Variants in LMX1A observed in about 807,000 individuals in gnomAD.
The protein encoded by LMX1A is LIM homeobox transcription factor 1 alpha, also known as LIM homeobox transcription factor 1-alpha.
A neutral mutation model predicts 49.1 loss-of-function variants in LMX1A; 15 were observed. The observed-to-expected ratio is 0.31, with a 90% CI of 0.20 to 0.47. LMX1A has a LOEUF of 0.47. Among genes scored for constraint, LMX1A ranks in the 20% least tolerant of loss-of-function variants. LMX1A has a pLI of 1.00. For synonymous variants in LMX1A, 167 were observed against 185.7 expected (o/e 0.90, Z 0.82); for missense variants, 372 against 475.8 (o/e 0.78, Z 2.03).
At chr1:165,351,663 A>ACTCT (rs1388641729) in intron 3 of LMX1A, among the ~76,000 whole-genome samples, 8 of 152,178 alleles carry the variant, frequency 5.3e-5, no homozygotes, top group African/African-American at 1.9e-4. Flanking sequence ...AATGCCTAGT[A>ACTCT]CTCTCTCCAC....
chr1:165,336,356 T>C (rs562740994), intron 3 of LMX1A, among the ~76,000 whole-genome samples: 188 of 152,226 alleles, frequency 1.2e-3, no homozygotes, highest in Non-Finnish European at 2.0e-3. Context: ...ACAGGACACT[T>C]TGAAGATCTA....
intron 3 of LMX1A, among the ~76,000 whole-genome samples, chr1:165,297,505 G>A (rs1654648967): frequency 6.6e-6 from 1 of 152,218 alleles, no homozygotes; most frequent in African/African-American, 2.4e-5. Flanking sequence ...TCCTCAGTTT[G>A]CACTTAAGAA....
Position 165,204,058 on chromosome 1 carries a change from C to T in LMX1A, c.989-18G>A. ...CTCGGCACCTGAAATGGAGATGAAA[C>T]ACTGGCATGAGGGTCTTGAAGAAGT... On this transcript the variant is annotated intron_variant, in intron 8 of 8. Transcript: ENST00000342310. 1 of 1,613,226 alleles carries T rather than the reference C, an allele frequency of 6.2e-7. No homozygotes were observed. The highest frequency in any genetic ancestry group is 1.3e-5 in the African/African-American group (1 of 75,034).
At chr1:165,229,243 T>C (rs1290301500) in intron 4 of LMX1A, among the ~76,000 whole-genome samples, 1 of 152,102 alleles carries the variant, frequency 6.6e-6, no homozygotes, top group Non-Finnish European at 1.5e-5. Context: ...TCTTAGAACA[T>C]GAAATAGAGC....
chr1:165,342,115 C>T (rs1656094786), intron 3 of LMX1A, among the ~76,000 whole-genome samples: 1 of 152,218 alleles, frequency 6.6e-6, no homozygotes, highest in African/African-American at 2.4e-5. Flanking sequence ...TAATACAATA[C>T]AGGAATACTC....
rs559245798 is a variant in LMX1A at position 165,319,041 on chromosome 1, A to ACC, written c.263+34033_263+34034dup. On this transcript the variant is annotated intron_variant, in intron 3 of 8. Transcript: ENST00000342310. ...CACACACACACACACACACACACACACCCCAACTTCTTAGTAGGAACTAGA... is the reference window on the plus strand; with the variant it reads ...CACACACACACACACACACACACACACCCCCCAACTTCTTAGTAGGAACTAGA... Among the ~76,000 whole-genome samples the ACC allele has an allele frequency of 3.7e-5, 5 of 136,502 alleles. No homozygotes were observed. In the Admixed American group the frequency reaches 3.7e-4, roughly 10 times the overall value. The allele number at this position is 136,502 out of a possible 152,430, so 89.6% of individuals were successfully genotyped here. A position where few individuals can be genotyped will look rare whatever the true frequency, so the allele number is the denominator to read the frequency against.
intron 3 of LMX1A, among the ~76,000 whole-genome samples, chr1:165,310,617 G>C (rs531920138): frequency 1.3e-5 from 2 of 152,232 alleles, no homozygotes; most frequent in African/African-American, 2.4e-5. Flanking sequence ...ATGGGGTGGA[G>C]ATGCAGATGT....
intron 4 of LMX1A, among the ~76,000 whole-genome samples, chr1:165,243,323 G>C (rs1009031352): frequency 1.3e-5 from 2 of 152,184 alleles, no homozygotes; most frequent in African/African-American, 4.8e-5. Flanking sequence ...ACATGGACCA[G>C]CCAGAAGCCA....
intron 4 of LMX1A, among the ~76,000 whole-genome samples, chr1:165,242,948 C>CAAAAAAAAAAA (rs953101627): frequency 8.0e-6 from 1 of 125,150 alleles, no homozygotes; most frequent in Non-Finnish European, 1.7e-5. Context: ...AAAAAAAAAA[C>CAAAAAAAAAAA]AAAACAAAAA....
intron 3 of LMX1A, among the ~76,000 whole-genome samples, chr1:165,271,339 T>C (rs901702131): frequency 1.2e-4 from 18 of 152,140 alleles, no homozygotes; most frequent in Non-Finnish European, 2.4e-4. Context: ...ATCCCAAAGA[T>C]AGAGAGAGGC....
intron 3 of LMX1A, among the ~76,000 whole-genome samples, chr1:165,254,365 T>C (rs1245696108): frequency 6.6e-6 from 1 of 152,108 alleles, no homozygotes; most frequent in East Asian, 1.9e-4. Context: ...AATCCTGAAA[T>C]GGTCATGGTC....
rs1655378881 is a variant in LMX1A at position 165,321,297 on chromosome 1, G to A, written c.263+31779C>T. Reference sequence around the variant, plus strand: ...AGAGTTTCTTTGGAGGGTGATGACAGCATTCTAAAATGATAGTGAAAATAG... The same window carrying A: ...AGAGTTTCTTTGGAGGGTGATGACAACATTCTAAAATGATAGTGAAAATAG... On this transcript the variant is annotated intron_variant, in intron 3 of 8. Transcript: ENST00000342310. Among the ~76,000 whole-genome samples, 6 of 152,194 alleles carry A rather than the reference G, an allele frequency of 3.9e-5. No homozygotes were observed. In the South Asian group the frequency reaches 1.2e-3, roughly 32 times the overall value.
chr1:165,309,342 A>G (rs1459286991), intron 3 of LMX1A, among the ~76,000 whole-genome samples: 2 of 152,196 alleles, frequency 1.3e-5, no homozygotes, highest in Non-Finnish European at 2.9e-5. Context: ...CTGGCAGGGA[A>G]GGCACCTCTG....
intron 4 of LMX1A, among the ~76,000 whole-genome samples, chr1:165,245,240 C>T (rs1472241906): frequency 6.6e-6 from 1 of 152,000 alleles, no homozygotes; most frequent in African/African-American, 2.4e-5. Context: ...TCAACCTTTG[C>T]CCCCCGCTCT....
chr1:165,267,899 C>T (rs1167845087), intron 3 of LMX1A, among the ~76,000 whole-genome samples: 1 of 152,158 alleles, frequency 6.6e-6, no homozygotes, highest in Non-Finnish European at 1.5e-5. Flanking sequence ...GTAAACATCT[C>T]TTTCAAAGAG....
chr1:165,217,199 C>T (rs916327612), intron 4 of LMX1A, among the ~76,000 whole-genome samples: 10 of 152,044 alleles, frequency 6.6e-5, no homozygotes, highest in African/African-American at 9.7e-5. Context: ...GAAAGCAGAG[C>T]GACAGAGGGA....
At chr1:165,230,690 G>A (rs1176838765) in intron 4 of LMX1A, among the ~76,000 whole-genome samples, 1 of 152,206 alleles carries the variant, frequency 6.6e-6, no homozygotes, top group Non-Finnish European at 1.5e-5. Flanking sequence ...AGAGCATCTA[G>A]ACTAACAATT....
rs1650949525 is a variant in LMX1A at position 165,203,836 on chromosome 1, G to C, written c.*44C>G. On this transcript the variant is annotated 3_prime_UTR_variant, in exon 9 of 9. Transcript: ENST00000342310. ...AGCCAGTGACCCCTCAAAGAATATGGTTGTTCCATATGGGAGCCTAGTCAC... is the reference window on the plus strand; with the variant it reads ...AGCCAGTGACCCCTCAAAGAATATGCTTGTTCCATATGGGAGCCTAGTCAC... 6.2e-7 allele frequency: 1 copy of C among 1,600,564 alleles called. No individual in the cohort carries two copies. Among genetic ancestry groups the C allele is most frequent in the African/African-American group, 1.3e-5 (1 of 74,546 alleles).
chr1:165,296,401 A>T (rs956926168), intron 3 of LMX1A, among the ~76,000 whole-genome samples: 6 of 152,262 alleles, frequency 3.9e-5, no homozygotes, highest in African/African-American at 1.4e-4. Flanking sequence ...CAGGCCCCAC[A>T]GGGCACACTA....
Sources: gnomAD v4.1 joint callset for allele counts (sites outside exome capture counted in the v4.1 genomes callset) on GRCh38, gnomAD v4.1.1 for gene constraint, MANE v1.5 for transcripts, NCBI Gene and HGNC (gene_info 2026-07-23, HGNC 2026-07-21) for gene names.